ZNF423: variants seen among roughly 807,000 people sequenced by gnomAD.
ZNF423 encodes the protein Ebf-associated zinc finger protein.
Under a neutral mutation model 95.8 loss-of-function variants are expected in ZNF423, and 12 were observed. The ratio of observed to expected loss-of-function variants is 0.13; its 90% CI spans 0.08 to 0.20. The LOEUF (loss-of-function observed/expected upper bound fraction) is 0.20, where lower values mean the gene tolerates loss of function less well. ZNF423 is among the 10% of genes least tolerant of loss of function. The pLI, the probability that ZNF423 is intolerant of heterozygous loss-of-function variation, is 1.00. For missense variants in ZNF423, 1,316 were observed against 1,737.1 expected, an observed-to-expected ratio of 0.76 and a Z score of 4.31; for synonymous variants, 749 against 711.9, an observed-to-expected ratio of 1.05 and a Z score of -0.83.
chr16:49,859,145 GA>G (rs2035404394), upstream of ZNF423, among the ~76,000 whole-genome samples: 1 of 152,158 alleles, frequency 6.6e-6, no homozygotes, highest in African/African-American at 2.4e-5. Context: ...CGTCGGGGGA[GA>G]GGGGTGGTTG....
In ZNF423 at chr16:49,618,230, A is replaced by T. The variant is rs1971941650; in HGVS notation, c.3601+7940T>A. ...TCCCCATGGATAAAAGGAAGTAATG[A>T]CAGCACGTCTCACAGGGTGTTGTGA... On this transcript the variant is annotated intron_variant, in intron 5 of 7. Coordinates refer to ENST00000563137, the MANE Select transcript of ZNF423 (RefSeq NM_001379286.1). 2.0e-5 allele frequency among the ~76,000 whole-genome samples: 3 copies of T among 152,242 alleles called. No individual in the cohort carries two copies. The South Asian group carries it at 6.2e-4, about 32-fold the overall frequency.
intron 5 of ZNF423, among the ~76,000 whole-genome samples, chr16:49,569,211 T>C (rs1280310533): frequency 6.6e-6 from 1 of 152,138 alleles, no homozygotes; most frequent in Non-Finnish European, 1.5e-5. Flanking sequence ...TTTCCCCCCT[T>C]CCAGGGAGGA....
chr16:49,596,353 G>A (rs536237593), intron 5 of ZNF423, among the ~76,000 whole-genome samples: 2 of 152,282 alleles, frequency 1.3e-5, no homozygotes, highest in East Asian at 3.9e-4. Context: ...TGGACAGCCG[G>A]AGTAGATAGA....
At chr16:49,491,342 A>C in intron 7 of ZNF423, 38 bp from the exon 8 acceptor site, 1 of 1,613,420 alleles carries the variant, frequency 6.2e-7, no homozygotes. Context: ...ATGAAGGAGA[A>C]GAATGGAGAG....
At position 49,820,108 on chromosome 16, in the gene ZNF423, A is replaced by G. The variant is rs74389649; in HGVS notation, c.41-30562T>C. 7.1e-3 allele frequency among the ~76,000 whole-genome samples: 1,079 copies of G among 152,136 alleles called. 10 individuals carry two copies. The highest frequency in any genetic ancestry group is 0.025 in the African/African-American group (1,031 of 41,508). On this transcript the variant is annotated intron_variant, in intron 1 of 7. Coordinates refer to ENST00000563137, the MANE Select transcript of ZNF423 (RefSeq NM_001379286.1). Reference sequence around the variant, plus strand: ...TGGGTGGATGGATGAATGGATGGACAGATGGATGGACAGACGGACGGACGG... The same window carrying G: ...TGGGTGGATGGATGAATGGATGGACGGATGGATGGACAGACGGACGGACGG...
At chr16:49,601,678 G>A (rs527510152) in intron 5 of ZNF423, among the ~76,000 whole-genome samples, 1 of 152,316 alleles carries the variant, frequency 6.6e-6, no homozygotes, top group East Asian at 1.9e-4. Flanking sequence ...AGGGGTCTGC[G>A]CTGCACAGCA....
At chr16:49,558,694 C>T (rs1237280429) in intron 5 of ZNF423, among the ~76,000 whole-genome samples, 1 of 152,202 alleles carries the variant, frequency 6.6e-6, no homozygotes, top group Non-Finnish European at 1.5e-5. Flanking sequence ...ATCCCACGTC[C>T]ACATCTTCCA....
At chr16:49,710,883 T>C (rs867299549) in intron 3 of ZNF423, among the ~76,000 whole-genome samples, 1 of 152,160 alleles carries the variant, frequency 6.6e-6, no homozygotes, top group African/African-American at 2.4e-5. Context: ...ACAACACCTG[T>C]GCCCCACCCC....
chr16:49,724,292 G>A (rs1266404363), intron 3 of ZNF423, among the ~76,000 whole-genome samples: 2 of 152,166 alleles, frequency 1.3e-5, no homozygotes, highest in African/African-American at 2.4e-5. Context: ...TTCTTGCTCT[G>A]TGTTTCCTAA....
intron 2 of ZNF423, among the ~76,000 whole-genome samples, chr16:49,733,051 A>C (rs2143413539): frequency 6.6e-6 from 1 of 152,344 alleles, no homozygotes; most frequent in East Asian, 1.9e-4. Context: ...CAGCATATTT[A>C]TCTCAGGGAA....
In ZNF423 at chr16:49,637,754, G is replaced by T; in HGVS notation, c.1422C>A (p.Asn474Lys). 1.9e-6 allele frequency: 3 copies of T among 1,614,120 alleles called. No individual in the cohort carries two copies. Among genetic ancestry groups the T allele is most frequent in the Non-Finnish European group, 2.5e-6 (3 of 1,180,044 alleles). The stretch of plus-strand genomic sequence containing the variant: ...CAAACTGCATCACAGGGTAGGCATG[G>T]TTCTTGTGCAGCTTGCGAACGTGCT... ...LNEHVRKLHKNHAYPVMQFGN... is the reference protein window; with the variant it reads ...LNEHVRKLHKKHAYPVMQFGN... Residue 474 changes from asparagine to lysine, a missense_variant, in exon 4 of 8, where the codon AAC becomes AAA. Asn to Lys is a moderately conservative substitution (Grantham distance 94, BLOSUM62 0). Around this residue, in one of 6 missense-constraint regions of ZNF423, gnomAD observed 399 missense variants for 478.5 expected, o/e 0.83. Transcript: ENST00000563137. This position sits in a 1 kb window ranked among gnomAD's most constrained non-coding sequence, Gnocchi z 5.6.
At chr16:49,840,339 G>A (rs1326029770) in intron 1 of ZNF423, among the ~76,000 whole-genome samples, 1 of 152,070 alleles carries the variant, frequency 6.6e-6, no homozygotes, top group Non-Finnish European at 1.5e-5. Flanking sequence ...TTTTTGGGGG[G>A]GTGGAACATC....
chr16:49,581,677 G>A (rs1435544817), intron 5 of ZNF423, among the ~76,000 whole-genome samples: 3 of 152,302 alleles, frequency 2.0e-5, no homozygotes, highest in African/African-American at 7.2e-5. Context: ...CCCTGAAAGT[G>A]CCCCAGAGAG....
At chr16:49,787,762 G>A (rs1190617235) in intron 2 of ZNF423, among the ~76,000 whole-genome samples, 1 of 152,134 alleles carries the variant, frequency 6.6e-6, no homozygotes, top group Non-Finnish European at 1.5e-5. Flanking sequence ...GCACGCCACT[G>A]CTGTTCCCAT....
intron 5 of ZNF423, among the ~76,000 whole-genome samples, chr16:49,551,153 G>A (rs542799841): frequency 1.3e-5 from 2 of 152,364 alleles, no homozygotes; most frequent in Admixed American, 1.3e-4. Context: ...AGGGATGTGT[G>A]TTCCCACCAC....
At chr16:49,814,898 G>A (rs1057059344) in intron 1 of ZNF423, among the ~76,000 whole-genome samples, 2 of 152,232 alleles carry the variant, frequency 1.3e-5, no homozygotes, top group Non-Finnish European at 2.9e-5. Flanking sequence ...ACAGGAGGCG[G>A]TCAGGTCTCT....
chr16:49,830,096 G>A (rs1468832504), intron 1 of ZNF423, among the ~76,000 whole-genome samples: 1 of 152,172 alleles, frequency 6.6e-6, no homozygotes, highest in Non-Finnish European at 1.5e-5. Flanking sequence ...ATTAAAAAGA[G>A]CAAGAGAGAG....
intron 4 of ZNF423, among the ~76,000 whole-genome samples, chr16:49,634,975 C>T (rs888391518): frequency 1.3e-5 from 2 of 152,208 alleles, no homozygotes; most frequent in African/African-American, 4.8e-5. Flanking sequence ...ATAATGGGTG[C>T]TTTGATGAAC....
chr16:49,803,554 G>C (rs908667451), intron 1 of ZNF423, among the ~76,000 whole-genome samples: 1 of 152,108 alleles, frequency 6.6e-6, no homozygotes, highest in Admixed American at 6.6e-5. Flanking sequence ...CAAGCACTGA[G>C]CACCTCTAGA....
Sources: gnomAD v4.1 joint callset for allele counts (sites outside exome capture counted in the v4.1 genomes callset) on GRCh38, gnomAD v4.1.1 for gene constraint, gnomAD v4.1.1 regional missense constraint, Gnocchi (gnomAD v3.1) non-coding constraint, MANE v1.5 for transcripts, NCBI Gene and HGNC (gene_info 2026-07-23, HGNC 2026-07-21) for gene names.